The following CDH13 variants were observed in gnomAD, a reference collection of about 807,000 sequenced individuals.
The protein encoded by CDH13 is cadherin 13.
CDH13 carries 24 observed loss-of-function variants against 63.8 expected under a neutral mutation model. That is an observed-to-expected ratio of 0.38 (90% confidence interval 0.27 to 0.53). The LOEUF is 0.53. CDH13 is among the 20% of genes least tolerant of loss of function. The pLI, the probability that CDH13 is intolerant of heterozygous loss-of-function variation, is 0.85. For synonymous variants in CDH13, 503 were observed against 355.3 expected, an observed-to-expected ratio of 1.42 and a Z score of -4.67; for missense variants, 1,049 against 903.1, an observed-to-expected ratio of 1.16 and a Z score of -2.07.
intron 8 of CDH13, among the ~76,000 whole-genome samples, chr16:83,653,419 G>C (rs1912572913): frequency 7.0e-6 from 1 of 142,406 alleles, no homozygotes; most frequent in African/African-American, 2.6e-5. Flanking sequence ...TTGAGCTCTT[G>C]TTAAGGTTTG....
At chr16:82,887,489 C>G (rs763431377) in intron 2 of CDH13, among the ~76,000 whole-genome samples, 14 of 152,244 alleles carry the variant, frequency 9.2e-5, no homozygotes, top group Non-Finnish European at 1.5e-4. Flanking sequence ...AAGAATGCAG[C>G]CTGACAGGAA....
At chr16:83,208,409 C>A (rs1460055326) in intron 4 of CDH13, among the ~76,000 whole-genome samples, 3 of 152,018 alleles carry the variant, frequency 2.0e-5, no homozygotes, top group Non-Finnish European at 4.4e-5. Context: ...GATTACCTTA[C>A]AGAAGCAATC....
intron 2 of CDH13, among the ~76,000 whole-genome samples, chr16:82,948,877 A>C (rs1905012712): frequency 6.6e-6 from 1 of 152,196 alleles, no homozygotes; most frequent in Non-Finnish European, 1.5e-5. Context: ...CATTTTAATG[A>C]GGACCAGAAG....
rs546203653 is a variant in CDH13, at chr16:83,048,617, G to T, written c.366+16399G>T. ...AGAAAAGTTCATACCATCCATTTCA[G>T]TTCCCTTTTCCATCTCTGAGTACCC... On this transcript the variant is annotated intron_variant, in intron 3 of 13. Transcript: ENST00000567109. Among the ~76,000 whole-genome samples, 182 of 152,214 alleles carry T rather than the reference G, an allele frequency of 1.2e-3. 1 individual carries two copies. The highest frequency in any genetic ancestry group is 2.1e-3 in the Non-Finnish European group (144 of 68,014).
chr16:83,786,334 T>C (rs1915876679), intron 13 of CDH13, among the ~76,000 whole-genome samples: 1 of 152,154 alleles, frequency 6.6e-6, no homozygotes. Flanking sequence ...AGTTCCTAAA[T>C]GCTGCTGCAC....
chr16:82,763,157 C>T (rs764961561), intron 1 of CDH13, among the ~76,000 whole-genome samples: 6 of 152,158 alleles, frequency 3.9e-5, no homozygotes, highest in Non-Finnish European at 8.8e-5. Context: ...CTTGACCTGC[C>T]CCACCCAGTA....
chr16:82,934,112 C>T lies in CDH13; in HGVS notation c.157+75639C>T, dbSNP rs534027827. ...GTGGCTCTGATCCCACATTCCCCTTCTGCACTTCCCTAGCAGAGGTTCTGC... is the reference window on the plus strand; with the variant it reads ...GTGGCTCTGATCCCACATTCCCCTTTTGCACTTCCCTAGCAGAGGTTCTGC... On this transcript the variant is annotated intron_variant, in intron 2 of 13. Coordinates refer to ENST00000567109, the MANE Select transcript of CDH13 (RefSeq NM_001257.5). Among the ~76,000 whole-genome samples the T allele has an allele frequency of 9.8e-5, 15 of 152,372 alleles. No individual in the cohort carries two copies. In the South Asian group the frequency reaches 2.9e-3, roughly 29 times the overall value.
chr16:82,845,682 C>A (rs2039225722), intron 1 of CDH13, among the ~76,000 whole-genome samples: 1 of 152,160 alleles, frequency 6.6e-6, no homozygotes, highest in South Asian at 2.1e-4. Flanking sequence ...CTAAGGCCCA[C>A]CCAAGAGTAC....
intron 8 of CDH13, among the ~76,000 whole-genome samples, chr16:83,615,629 G>C (rs1022423452): frequency 6.6e-6 from 1 of 152,108 alleles, no homozygotes; most frequent in African/African-American, 2.4e-5. Context: ...GTACAGAATG[G>C]TGGGGAATAT....
rs138948470 is a variant in CDH13 at position 83,705,043 on chromosome 16, A to T, written c.1538+26582A>T. Among the ~76,000 whole-genome samples, 382 of 152,352 alleles carry T rather than the reference A, an allele frequency of 2.5e-3. 1 individual carries two copies. The highest frequency in any genetic ancestry group is 4.2e-3 in the Non-Finnish European group (288 of 68,030). On this transcript the variant is annotated intron_variant, in intron 10 of 13. Coordinates refer to ENST00000567109, the MANE Select transcript of CDH13 (RefSeq NM_001257.5). ...TGAGTTTTCTGTGAAACTGAAGCTCACCACTTCAAGTGCTATATCTTTCTA... is the reference window on the plus strand; with the variant it reads ...TGAGTTTTCTGTGAAACTGAAGCTCTCCACTTCAAGTGCTATATCTTTCTA...
intron 6 of CDH13, among the ~76,000 whole-genome samples, chr16:83,400,261 C>T (rs1451258917): frequency 6.6e-6 from 1 of 152,102 alleles, no homozygotes; most frequent in African/African-American, 2.4e-5. Flanking sequence ...TGCCCTTTCT[C>T]TTCTCGTTGT....
At chr16:82,969,257 A>G (rs1218066498) in intron 2 of CDH13, among the ~76,000 whole-genome samples, 1 of 152,088 alleles carries the variant, frequency 6.6e-6, no homozygotes, top group Non-Finnish European at 1.5e-5. Flanking sequence ...TAACTAGTAA[A>G]CTCTGCTACT....
intron 2 of CDH13, among the ~76,000 whole-genome samples, chr16:82,906,834 G>C (rs532470097): frequency 6.6e-6 from 1 of 152,098 alleles, no homozygotes; most frequent in South Asian, 2.1e-4. Context: ...GCCAACCTCT[G>C]CTTCCATTGT....
At chr16:83,254,817 C>A (rs983340970) in intron 5 of CDH13, among the ~76,000 whole-genome samples, 1 of 152,142 alleles carries the variant, frequency 6.6e-6, no homozygotes, top group African/African-American at 2.4e-5. Context: ...TAACTGATTC[C>A]TGTACCAAGC....
At chr16:83,278,872 G>A (rs779698887) in intron 5 of CDH13, among the ~76,000 whole-genome samples, 1 of 152,174 alleles carries the variant, frequency 6.6e-6, no homozygotes, top group Non-Finnish European at 1.5e-5. Flanking sequence ...AGAGGGGAAA[G>A]GGCAGGATGT....
chr16:83,774,944 T>TATG lies in CDH13; in HGVS notation c.1682-5023_1682-5021dup, dbSNP rs2151002344. ...TGGTTAAAAATTGTCAATTTTATGT[T>TATG]ATGTATATTTCACCACAATGAAAAG... On this transcript the variant is annotated intron_variant, in intron 11 of 13. Coordinates refer to ENST00000567109, the MANE Select transcript of CDH13 (RefSeq NM_001257.5). Among the ~76,000 whole-genome samples the TATG allele has an allele frequency of 1.3e-5, 2 of 149,538 alleles. 1 individual carries two copies. The highest frequency in any genetic ancestry group is 4.2e-4 in the South Asian group (2 of 4,792).
At chr16:83,183,313 C>G (rs2038407521) in intron 4 of CDH13, among the ~76,000 whole-genome samples, 1 of 152,178 alleles carries the variant, frequency 6.6e-6, no homozygotes, top group East Asian at 1.9e-4. Context: ...TGTTGACTTG[C>G]AGACCTGTGA....
chr16:83,508,055 AGAAGGAAG>A (rs370660181), intron 7 of CDH13, among the ~76,000 whole-genome samples: 9,299 of 58,184 alleles, frequency 0.16, 616 homozygotes, highest in South Asian at 0.3. Context: ...GAGAAAGAGA[AGAAGGAAG>A]GAAGGAAGGA....
At chr16:82,641,124 CA>C (rs1308436532) in intron 1 of CDH13, among the ~76,000 whole-genome samples, 1 of 152,154 alleles carries the variant, frequency 6.6e-6, no homozygotes, top group East Asian at 1.9e-4. Context: ...TGGGTCTCTA[CA>C]AAAGCACTGT....
Sources: allele counts gnomAD v4.1 joint callset (sites outside exome capture counted in the v4.1 genomes callset), GRCh38; gene constraint gnomAD v4.1.1; transcripts MANE v1.5; gene names NCBI Gene and HGNC (gene_info 2026-07-23, HGNC 2026-07-21).